The following GPHN variants were observed in gnomAD, a reference collection of about 807,000 sequenced individuals.
GPHN encodes gephyrin.
GPHN carries 17 observed loss-of-function variants against 95.5 expected under a neutral mutation model. The ratio of observed to expected loss-of-function variants is 0.18; its 90% CI spans 0.12 to 0.27. The LOEUF (loss-of-function observed/expected upper bound fraction) is 0.27. Ranked by LOEUF, GPHN falls within the 10% of genes least tolerant of loss-of-function variation. The pLI, the probability that GPHN is intolerant of heterozygous loss-of-function variation, is 1.00. For missense variants in GPHN, 660 were observed against 978.1 expected (o/e 0.67, Z 4.34); for synonymous variants, 320 against 322.5 (o/e 0.99, Z 0.08).
chr14:67,279,324 C>T, the GPHN span: 4 of 1,613,450 alleles, frequency 2.5e-6, no homozygotes, highest in South Asian at 1.1e-5. Flanking sequence ...GCCAATACGT[C>T]GAAGTGCACA....
chr14:67,670,145 AAC>A, the GPHN span, among the ~76,000 whole-genome samples: 10 of 152,146 alleles, frequency 6.6e-5, no homozygotes, highest in African/African-American at 2.4e-4. Flanking sequence ...AAAGGCTCTT[AAC>A]ACAGTCCCCT....
the GPHN span, among the ~76,000 whole-genome samples, chr14:67,680,887 G>GTATTGTA: frequency 6.6e-6 from 1 of 152,222 alleles, no homozygotes; most frequent in African/African-American, 2.4e-5. Context: ...CAATGCTATA[G>GTATTGTA]TAATCAAGAT....
chr14:67,600,082 A>G, the GPHN span: 1 of 1,592,820 alleles, frequency 6.3e-7, no homozygotes, highest in African/African-American at 1.3e-5. Flanking sequence ...GACAGCGGTG[A>G]GCGAACGCAG....
the GPHN span, among the ~76,000 whole-genome samples, chr14:67,715,936 C>T: frequency 6.6e-6 from 1 of 152,192 alleles, no homozygotes; most frequent in Admixed American, 6.5e-5. Context: ...TGGCTTACGC[C>T]TGTAATCCCA....
chr14:67,353,104 C>G, the GPHN span: 2 of 1,249,068 alleles, frequency 1.6e-6, no homozygotes, highest in Non-Finnish European at 2.3e-6. Flanking sequence ...AAAAAACCCT[C>G]CCCACCAGTG....
At chr14:67,694,516 A>AT in the GPHN span, among the ~76,000 whole-genome samples, 1,284 of 138,468 alleles carry the variant, frequency 9.3e-3, 15 homozygotes, top group Middle Eastern at 0.026. Flanking sequence ...ACACACATAT[A>AT]TTTTTTTTTT....
chr14:67,159,443 A>G lies in GPHN; in HGVS notation c.1865A>G (p.Asp622Gly). ...KDYLKQVLDI[D>G]LHAQIHFGRV... ...TATCTCAAGCAGGTGCTGGACATTGATCTTCATGCTCAGATCCATTTTGGC... is the reference window on the plus strand; with the variant it reads ...TATCTCAAGCAGGTGCTGGACATTGGTCTTCATGCTCAGATCCATTTTGGC... The change falls in exon 19 of 23, where the codon GAT (aspartate) becomes GGT (glycine). Residue 622 changes from aspartate to glycine, a missense_variant. Asp to Gly is a moderately conservative substitution (Grantham distance 94). This residue lies in a region of GPHN where 257 missense variants were observed against 376.2 expected (regional missense o/e 0.68). Coordinates refer to ENST00000478722, the MANE Select transcript of GPHN (RefSeq NM_020806.5). 1.2e-6 allele frequency: 2 copies of G among 1,607,604 alleles called. No homozygotes were observed. Among genetic ancestry groups the G allele is most frequent in the Non-Finnish European group, 1.7e-6 (2 of 1,174,142 alleles).
the GPHN span, chr14:67,729,947 C>G: frequency 2.6e-6 from 1 of 392,142 alleles, no homozygotes; most frequent in Non-Finnish European, 5.0e-6. Flanking sequence ...GAATCCAGCC[C>G]TGTCTGCTCT....
At chr14:67,623,700 CCTGA>C in the GPHN span, among the ~76,000 whole-genome samples, 1 of 152,020 alleles carries the variant, frequency 6.6e-6, no homozygotes, top group African/African-American at 2.4e-5. Context: ...TGCCACTGCG[CCTGA>C]CTAATTTTTG....
chr14:66,868,224 A>G (rs184237510), intron 4 of GPHN, among the ~76,000 whole-genome samples: 2 of 152,352 alleles, frequency 1.3e-5, no homozygotes, highest in East Asian at 1.9e-4. Context: ...AAATTTTATT[A>G]AATCTACCTA....
the GPHN span, chr14:67,390,738 CTT>C: frequency 2.5e-6 from 4 of 1,611,604 alleles, no homozygotes; most frequent in South Asian, 1.1e-5. Context: ...AGTTTTTCCT[CTT>C]GTGTCCCTGA....
the GPHN span, among the ~76,000 whole-genome samples, chr14:67,594,872 G>A: frequency 7.9e-5 from 12 of 152,100 alleles, no homozygotes; most frequent in South Asian, 4.1e-4. Context: ...ACATTAGGCC[G>A]GGCGCGGTGG....
chr14:66,860,112 T>G (rs2062966680), intron 4 of GPHN, among the ~76,000 whole-genome samples: 1 of 152,088 alleles, frequency 6.6e-6, no homozygotes, highest in Non-Finnish European at 1.5e-5. Flanking sequence ...ATCAACATTG[T>G]GCAAGAAGGT....
At chr14:66,728,493 C>G (rs988847068) in intron 2 of GPHN, among the ~76,000 whole-genome samples, 1 of 152,202 alleles carries the variant, frequency 6.6e-6, no homozygotes, top group South Asian at 2.1e-4. Context: ...GCCACAGGGT[C>G]GGAGCTACCC....
At chr14:67,314,944 C>CA in the GPHN span, among the ~76,000 whole-genome samples, 8 of 151,990 alleles carry the variant, frequency 5.3e-5, no homozygotes, top group Non-Finnish European at 8.8e-5. Context: ...TTTGTCTCTA[C>CA]AAAAAATTTA....
chr14:66,783,629 A>G (rs534604398), intron 3 of GPHN, among the ~76,000 whole-genome samples: 4 of 152,308 alleles, frequency 2.6e-5, no homozygotes, highest in Non-Finnish European at 4.4e-5. Flanking sequence ...AGGTGAGGCT[A>G]TTCGTACTTC....
intron 9 of GPHN, among the ~76,000 whole-genome samples, chr14:67,020,319 G>A (rs1002332550): frequency 2.0e-5 from 3 of 152,046 alleles, no homozygotes; most frequent in African/African-American, 4.8e-5. Flanking sequence ...GCTTTCAATT[G>A]TACCTCCCAT....
the GPHN span, among the ~76,000 whole-genome samples, chr14:67,427,581 G>C: frequency 1.3e-5 from 2 of 152,222 alleles, no homozygotes; most frequent in African/African-American, 2.4e-5. Flanking sequence ...TCCCACGAGA[G>C]CTCCGTCTTA....
the GPHN span, among the ~76,000 whole-genome samples, chr14:67,438,092 C>G: frequency 3.9e-5 from 6 of 152,256 alleles, no homozygotes; most frequent in South Asian, 8.3e-4. Flanking sequence ...CTGTCACCCC[C>G]CTCCCAATCA....
Sources: gnomAD v4.1 joint callset for allele counts (sites outside exome capture counted in the v4.1 genomes callset) on GRCh38, gnomAD v4.1.1 for gene constraint, gnomAD v4.1.1 regional missense constraint, MANE v1.5 for transcripts, NCBI Gene and HGNC (gene_info 2026-07-23, HGNC 2026-07-21) for gene names.